Variants in AGBL1 observed in about 807,000 individuals in gnomAD.
AGBL1 encodes cytosolic carboxypeptidase 4.
Under a neutral mutation model 118.9 loss-of-function variants are expected in AGBL1, and 130 were observed. The ratio of observed to expected loss-of-function variants is 1.09; its 90% CI spans 0.95 to 1.26. The LOEUF is 1.26. Among genes scored for constraint, AGBL1 ranks in the 50% most tolerant of loss-of-function variants. The pLI is 0.00. For missense variants in AGBL1, 1,584 were observed against 1,298.1 expected (o/e 1.22, Z -3.38); for synonymous variants, 555 against 478.9 (o/e 1.16, Z -2.08).
chr15:86,091,012 A>G (rs1299916698), intron 1 of AGBL1, among the ~76,000 whole-genome samples: 1 of 152,150 alleles, frequency 6.6e-6, no homozygotes, highest in Non-Finnish European at 1.5e-5. Context: ...ATTTATTTAA[A>G]TTAACATATA....
At chr15:86,268,256 C>A (rs1410738421) in intron 13 of AGBL1, among the ~76,000 whole-genome samples, 2 of 151,776 alleles carry the variant, frequency 1.3e-5, no homozygotes, top group Non-Finnish European at 2.9e-5. Context: ...GGAAGCCCAA[C>A]AAATAAAACA....
intron 17 of AGBL1, among the ~76,000 whole-genome samples, chr15:86,324,888 T>G (rs1333944145): frequency 1.3e-5 from 2 of 152,088 alleles, no homozygotes; most frequent in Admixed American, 6.5e-5. Context: ...TCTCCCTAGC[T>G]CACTAGCATG....
At chr15:86,121,931 G>T (rs890362753) in intron 1 of AGBL1, among the ~76,000 whole-genome samples, 9 of 152,186 alleles carry the variant, frequency 5.9e-5, no homozygotes, top group Admixed American at 5.2e-4. Flanking sequence ...TTTTTGAAAA[G>T]GAGGACTTTC....
At chr15:86,508,873 A>C (rs1282826143) in intron 18 of AGBL1, among the ~76,000 whole-genome samples, 1 of 152,184 alleles carries the variant, frequency 6.6e-6, no homozygotes. Flanking sequence ...TGCTTTTAAA[A>C]AATGCAAACA....
At chr15:86,656,340 GA>G (rs1422465612) in intron 21 of AGBL1, among the ~76,000 whole-genome samples, 2 of 152,186 alleles carry the variant, frequency 1.3e-5, no homozygotes, top group African/African-American at 4.8e-5. Flanking sequence ...AGAGCACGCT[GA>G]CAAAATTAGT....
At chr15:86,230,111 T>C (rs1420927544) in intron 6 of AGBL1, among the ~76,000 whole-genome samples, 1 of 152,208 alleles carries the variant, frequency 6.6e-6, no homozygotes, top group African/African-American at 2.4e-5. Context: ...ATCTTCCTCG[T>C]TAATGCTCTG....
chr15:87,030,802 G>A (rs1033702800), downstream of AGBL1, among the ~76,000 whole-genome samples: 8 of 151,676 alleles, frequency 5.3e-5, no homozygotes, highest in South Asian at 2.1e-4. Flanking sequence ...TCCTTCACTC[G>A]GTCTATTTTT....
chr15:86,792,671 G>A (rs1000496971), intron 22 of AGBL1, among the ~76,000 whole-genome samples: 5 of 152,194 alleles, frequency 3.3e-5, no homozygotes, highest in African/African-American at 1.2e-4. Context: ...GCGGGGTGTG[G>A]TGGCTCATTC....
chr15:86,138,098 A>T (rs867817656), intron 1 of AGBL1, among the ~76,000 whole-genome samples: 1 of 152,126 alleles, frequency 6.6e-6, no homozygotes, highest in Non-Finnish European at 1.5e-5. Context: ...GTGGGAATAG[A>T]GATATGAATA....
At chr15:86,970,741 G>A (rs1305422648) in intron 23 of AGBL1, among the ~76,000 whole-genome samples, 1 of 151,910 alleles carries the variant, frequency 6.6e-6, no homozygotes, top group Non-Finnish European at 1.5e-5. Context: ...GTTTCCATAT[G>A]CATATTGGAT....
chr15:86,271,280 T>C (rs2079157610), intron 14 of AGBL1, among the ~76,000 whole-genome samples: 1 of 151,968 alleles, frequency 6.6e-6, no homozygotes, highest in Non-Finnish European at 1.5e-5. Flanking sequence ...GTCAGGATGG[T>C]CTTGATCTCC....
intron 1 of AGBL1, among the ~76,000 whole-genome samples, chr15:86,095,184 C>G (rs904615355): frequency 6.6e-6 from 1 of 152,134 alleles, no homozygotes; most frequent in Non-Finnish European, 1.5e-5. Context: ...ACCCTACTAG[C>G]AGGTGGATGT....
At chr15:86,925,804 C>T (rs2080532352) in intron 23 of AGBL1, among the ~76,000 whole-genome samples, 1 of 149,718 alleles carries the variant, frequency 6.7e-6, no homozygotes, top group Non-Finnish European at 1.5e-5. Context: ...CATCTCGGCT[C>T]ACTGCAACCT....
At chr15:86,877,718 A>G (rs1348617102) in intron 22 of AGBL1, among the ~76,000 whole-genome samples, 1 of 152,170 alleles carries the variant, frequency 6.6e-6, no homozygotes, top group Non-Finnish European at 1.5e-5. Flanking sequence ...ACACATCCAG[A>G]CAAAGAAGCC....
At chr15:86,794,638 CA>C (rs926594088) in intron 22 of AGBL1, among the ~76,000 whole-genome samples, 37 of 146,358 alleles carry the variant, frequency 2.5e-4, no homozygotes, top group African/African-American at 5.5e-4. Context: ...TTTGATGAAA[CA>C]AAAAAAAAAC....
chr15:86,577,231 C>T (rs1049712271), intron 21 of AGBL1, among the ~76,000 whole-genome samples: 13 of 152,088 alleles, frequency 8.5e-5, no homozygotes, highest in African/African-American at 3.1e-4. Context: ...TTGTTGTGAA[C>T]TGGAGCAAAA....
chr15:86,457,855 T>C (rs1413437716), intron 18 of AGBL1, among the ~76,000 whole-genome samples: 1 of 152,194 alleles, frequency 6.6e-6, no homozygotes, highest in East Asian at 1.9e-4. Context: ...CTTCTCATAA[T>C]TCCTCTAAGA....
intron 17 of AGBL1, among the ~76,000 whole-genome samples, chr15:86,306,102 A>G (rs1451862652): frequency 6.6e-6 from 1 of 152,180 alleles, no homozygotes; most frequent in Non-Finnish European, 1.5e-5. Context: ...ACAATGTGAA[A>G]TAAGCACATC....
chr15:86,784,331 C>A (rs1306144007), intron 22 of AGBL1, among the ~76,000 whole-genome samples: 8 of 152,142 alleles, frequency 5.3e-5, no homozygotes, highest in Non-Finnish European at 8.8e-5. Context: ...GCTTTGTGAA[C>A]TGGTCGAATG....
Sources: allele counts gnomAD v4.1 joint callset (sites outside exome capture counted in the v4.1 genomes callset), GRCh38; gene constraint gnomAD v4.1.1; transcripts MANE v1.5; gene names NCBI Gene and HGNC (gene_info 2026-07-23, HGNC 2026-07-21).